TIAM2: variants seen among roughly 807,000 people sequenced by gnomAD.
TIAM2 encodes the protein rho guanine nucleotide exchange factor TIAM2.
TIAM2 carries 80 observed loss-of-function variants against 152.9 expected under a neutral mutation model. The ratio of observed to expected loss-of-function variants is 0.52; its 90% CI spans 0.44 to 0.63. The LOEUF (loss-of-function observed/expected upper bound fraction) is 0.63. Among genes scored for constraint, TIAM2 ranks in the 30% least tolerant of loss-of-function variants. The probability of loss-of-function intolerance (pLI) is 0.00; values close to 1 mark genes in which losing one functional copy is unlikely to be tolerated. For missense variants in TIAM2, 1,965 were observed against 2,120.1 expected, an observed-to-expected ratio of 0.93 and a Z score of 1.44; for synonymous variants, 804 against 838.0, an observed-to-expected ratio of 0.96 and a Z score of 0.70.
At chr6:155,178,718 G>C (rs1780819292) in intron 10 of TIAM2, among the ~76,000 whole-genome samples, 1 of 151,924 alleles carries the variant, frequency 6.6e-6, no homozygotes, top group Admixed American at 6.6e-5. Context: ...AGTATTATAG[G>C]TGTGTGCCAC....
At chr6:155,178,948 G>A in intron 10 of TIAM2, 91 bp from the exon 11 acceptor site, 1 of 1,034,164 alleles carries the variant, frequency 9.7e-7, no homozygotes, top group Non-Finnish European at 1.4e-6. Context: ...TTCTTTTAGA[G>A]ATTTCTACTT....
rs571180904 is a variant in TIAM2 at position 155,003,671 on chromosome 6, T to G, written c.-209+8179T>G. ...CACATCTCCCCTCTCGGCTCCCCCATGCACACTGCCTTATCTCTCCCCCTC... is the reference window on the plus strand; with the variant it reads ...CACATCTCCCCTCTCGGCTCCCCCAGGCACACTGCCTTATCTCTCCCCCTC... On this transcript the variant is annotated intron_variant, in intron 1 of 26. Transcript: ENST00000682666. Among the ~76,000 whole-genome samples, 3 of 152,256 alleles carry G rather than the reference T, an allele frequency of 2.0e-5. No individual in the cohort carries two copies. The South Asian group carries it at 6.2e-4, about 32-fold the overall frequency.
At chr6:155,161,248 A>G (rs1035870625) in intron 7 of TIAM2, among the ~76,000 whole-genome samples, 1 of 152,110 alleles carries the variant, frequency 6.6e-6, no homozygotes, top group African/African-American at 2.4e-5. Context: ...ATGCAGTGGC[A>G]CATTGTTGGC....
At chr6:155,119,415 C>G (rs918248438) in intron 2 of TIAM2, among the ~76,000 whole-genome samples, 4 of 152,080 alleles carry the variant, frequency 2.6e-5, no homozygotes, top group Non-Finnish European at 4.4e-5. Context: ...TCTCCACTCA[C>G]TGTAACCTCT....
intron 9 of TIAM2, among the ~76,000 whole-genome samples, chr6:155,173,197 G>C (rs59243266): frequency 6.8e-6 from 1 of 147,126 alleles, no homozygotes; most frequent in Non-Finnish European, 1.5e-5. Context: ...GTGTGTGTGT[G>C]TGTGTCTGTC....
At chr6:154,996,224 G>A (rs967538065) in intron 1 of TIAM2, among the ~76,000 whole-genome samples, 4 of 152,212 alleles carry the variant, frequency 2.6e-5, no homozygotes, top group African/African-American at 9.7e-5. Context: ...CATTGCACGA[G>A]GTATTTCTAT....
chr6:155,068,380 A>G (rs1777752852), intron 1 of TIAM2, among the ~76,000 whole-genome samples: 1 of 152,148 alleles, frequency 6.6e-6, no homozygotes. Flanking sequence ...AGAAGTATAC[A>G]GATTCTCTCT....
chr6:155,122,281 A>T (rs1048713690), intron 2 of TIAM2, among the ~76,000 whole-genome samples: 1 of 152,076 alleles, frequency 6.6e-6, no homozygotes, highest in African/African-American at 2.4e-5. Flanking sequence ...GCTACAGAGC[A>T]TACTCATGTG....
intron 2 of TIAM2, among the ~76,000 whole-genome samples, chr6:155,118,959 A>G (rs1311586318): frequency 1.3e-5 from 2 of 151,962 alleles, no homozygotes; most frequent in African/African-American, 2.4e-5. Context: ...CTTTAAAAAA[A>G]AAAAAAATCT....
At chr6:155,112,762 G>A (rs1042616955) in intron 2 of TIAM2, among the ~76,000 whole-genome samples, 1 of 152,068 alleles carries the variant, frequency 6.6e-6, no homozygotes, top group Non-Finnish European at 1.5e-5. Context: ...TGGCTTTAAT[G>A]GAACAGTGTG....
intron 1 of TIAM2, among the ~76,000 whole-genome samples, chr6:155,029,556 A>AATACTATATAATAGTATATACTATT (rs1776772800): frequency 1.4e-5 from 1 of 73,348 alleles, no homozygotes. Context: ...ATGTAGTATA[A>AATACTATATAATAGTATATACTATT]ATATATACTA....
At position 155,129,244 on chromosome 6, in the gene TIAM2, G is replaced by C. The variant is rs114808212; in HGVS notation, c.21G>C (p.Gln7His). ...TTAAAATGGGCAACTCCGACAGTCA[G>C]TACACCCTTCAAGGATCTAAAAATC... Reference protein sequence around the residue: MGNSDSQYTLQGSKNHS... With the variant: MGNSDSHYTLQGSKNHS... The change falls in exon 4 of 27, where the codon CAG (glutamine) becomes CAC (histidine). Residue 7 changes from glutamine (Q) to histidine (H), a missense_variant. Physicochemically the swap from Gln to His is conservative, Grantham distance 24 (BLOSUM62 0). This residue lies in a region of TIAM2 where 1,025 missense variants were observed against 1,119.4 expected (regional missense o/e 0.92). Transcript: ENST00000682666. The surrounding 1 kb of genome is among the most constrained non-coding windows in gnomAD (Gnocchi z 4.8). 839 of 1,613,866 alleles carry C rather than the reference G, an allele frequency of 5.2e-4. 5 individuals carry two copies. The African/African-American group carries it at 9.3e-3, about 18-fold the overall frequency.
intron 1 of TIAM2, among the ~76,000 whole-genome samples, chr6:155,016,709 G>A (rs1778594443): frequency 6.6e-6 from 1 of 150,850 alleles, no homozygotes; most frequent in Non-Finnish European, 1.5e-5. Flanking sequence ...GACCAGCCTG[G>A]CCAACATGGT....
chr6:154,996,235 C>CT (rs779514364), intron 1 of TIAM2, among the ~76,000 whole-genome samples: 39 of 152,218 alleles, frequency 2.6e-4, no homozygotes, highest in Non-Finnish European at 4.3e-4. Context: ...GTATTTCTAT[C>CT]TTTAAGGAGC....
intron 7 of TIAM2, chr6:155,149,369 A>G (rs1309077469): frequency 6.0e-6 from 1 of 167,042 alleles, no homozygotes; most frequent in Non-Finnish European, 1.5e-5. Flanking sequence ...GGGAACTTGA[A>G]TGAGGAATGG....
intron 23 of TIAM2, 37 bp downstream of exon 23, chr6:155,252,040 T>C: frequency 6.6e-7 from 1 of 1,519,634 alleles, no homozygotes; most frequent in Non-Finnish European, 9.1e-7. Context: ...AGCTACCTTT[T>C]CATAGCTGTA....
At chr6:155,091,471 A>G (rs1035415738) in intron 2 of TIAM2, among the ~76,000 whole-genome samples, 1 of 152,238 alleles carries the variant, frequency 6.6e-6, no homozygotes, top group African/African-American at 2.4e-5. Context: ...TCAATGTCAC[A>G]TGGTGAGATA....
At chr6:155,160,899 A>G (rs1264597788) in intron 7 of TIAM2, among the ~76,000 whole-genome samples, 1 of 152,250 alleles carries the variant, frequency 6.6e-6, no homozygotes, top group Non-Finnish European at 1.5e-5. Context: ...TTAAATTTTA[A>G]ATGAACTTTA....
intron 5 of TIAM2, among the ~76,000 whole-genome samples, chr6:155,142,395 G>C (rs1015540901): frequency 2.6e-5 from 4 of 152,172 alleles, no homozygotes; most frequent in Admixed American, 6.5e-5. Context: ...TGACATTTTG[G>C]CATTGGCCCA....
Sources: allele counts gnomAD v4.1 joint callset (sites outside exome capture counted in the v4.1 genomes callset), GRCh38; gene constraint gnomAD v4.1.1; regional missense constraint gnomAD v4.1.1; non-coding constraint Gnocchi (gnomAD v3.1); transcripts MANE v1.5; gene names NCBI Gene and HGNC (gene_info 2026-07-23, HGNC 2026-07-21).